SUSD4: variants seen among roughly 807,000 people sequenced by gnomAD.
SUSD4 encodes sushi domain containing 4.
A neutral mutation model predicts 50.5 loss-of-function variants in SUSD4; 41 were observed. The ratio of observed to expected loss-of-function variants is 0.81; its 90% CI spans 0.63 to 1.05. The LOEUF (loss-of-function observed/expected upper bound fraction) is 1.05. SUSD4 is among the 50% of genes least tolerant of loss of function. The probability of loss-of-function intolerance (pLI) is 0.00; values close to 1 mark genes in which losing one functional copy is unlikely to be tolerated. For missense variants in SUSD4, 580 were observed against 634.7 expected, an observed-to-expected ratio of 0.91 and a Z score of 0.93; for synonymous variants, 257 against 257.3, an observed-to-expected ratio of 1.00 and a Z score of 0.01.
chr1:223,271,679 C>T (rs977932821), intron 3 of SUSD4, among the ~76,000 whole-genome samples: 1 of 152,130 alleles, frequency 6.6e-6, no homozygotes, highest in Middle Eastern at 3.2e-3. Flanking sequence ...TTAACCAGAG[C>T]CTTTATGATT....
At chr1:223,253,003 A>C (rs1661439239) in intron 5 of SUSD4, among the ~76,000 whole-genome samples, 2 of 152,086 alleles carry the variant, frequency 1.3e-5, no homozygotes, top group African/African-American at 4.8e-5. Context: ...AGACAGGAGA[A>C]TCGCTTGAAC....
At chr1:223,271,962 C>A (rs1662951301) in intron 3 of SUSD4, among the ~76,000 whole-genome samples, 1 of 152,192 alleles carries the variant, frequency 6.6e-6, no homozygotes, top group Admixed American at 6.5e-5. Flanking sequence ...GCAGGTGGCT[C>A]ACCCCTATAA....
At chr1:223,337,029 C>T (rs556720398) in intron 2 of SUSD4, among the ~76,000 whole-genome samples, 2 of 152,272 alleles carry the variant, frequency 1.3e-5, no homozygotes, top group African/African-American at 2.4e-5. Flanking sequence ...CATACTTTGT[C>T]GTTAACTTGT....
intron 5 of SUSD4, among the ~76,000 whole-genome samples, chr1:223,256,459 A>G (rs1661697912): frequency 6.6e-6 from 1 of 152,164 alleles, no homozygotes; most frequent in Non-Finnish European, 1.5e-5. Flanking sequence ...GCCTGTTACC[A>G]AGATGACCCT....
At chr1:223,259,959 G>A (rs995544339) in intron 5 of SUSD4, among the ~76,000 whole-genome samples, 1 of 152,152 alleles carries the variant, frequency 6.6e-6, no homozygotes, top group Non-Finnish European at 1.5e-5. Context: ...GGAGTGAGAT[G>A]TTCAGAACTT....
chr1:223,301,497 T>C (rs1665191869), intron 2 of SUSD4, among the ~76,000 whole-genome samples: 1 of 152,170 alleles, frequency 6.6e-6, no homozygotes, highest in Admixed American at 6.5e-5. Flanking sequence ...CCCTCAGCAG[T>C]AAAATAAAGA....
chr1:223,292,735 C>T, intron 2 of SUSD4, 84 bp from the exon 3 acceptor site: 1 of 1,416,064 alleles, frequency 7.1e-7, no homozygotes, highest in Non-Finnish European at 9.7e-7. Flanking sequence ...GCAGACCCTG[C>T]ATGATGTCAT....
In SUSD4 at chr1:223,298,046, G is replaced by A. The variant is rs114315659; in HGVS notation, c.149-5395C>T. Among the ~76,000 whole-genome samples the A allele has an allele frequency of 9.6e-3, 1,461 of 151,988 alleles. 10 individuals are homozygous for A. Among genetic ancestry groups the A allele is most frequent in the Non-Finnish European group, 0.014 (982 of 67,956 alleles). ...GATAAATGGATGGATGGATGAATGGGTGGATGGATGGATGAATAGATGAAT... is the reference window on the plus strand; with the variant it reads ...GATAAATGGATGGATGGATGAATGGATGGATGGATGGATGAATAGATGAAT... On this transcript the variant is annotated intron_variant, in intron 2 of 8. Coordinates refer to ENST00000366878, the MANE Select transcript of SUSD4 (RefSeq NM_017982.4).
chr1:223,225,933 C>T (rs1197130117), intron 7 of SUSD4, among the ~76,000 whole-genome samples: 1 of 152,158 alleles, frequency 6.6e-6, no homozygotes, highest in Non-Finnish European at 1.5e-5. Context: ...CATTTGGATT[C>T]ATGTCATGTA....
intron 2 of SUSD4, among the ~76,000 whole-genome samples, chr1:223,361,099 A>G (rs1668950042): frequency 6.6e-6 from 1 of 152,208 alleles, no homozygotes; most frequent in Non-Finnish European, 1.5e-5. Context: ...CCTTTTAACA[A>G]GATCCCAGGT....
intron 3 of SUSD4, chr1:223,289,344 C>A: frequency 3.1e-6 from 3 of 970,852 alleles, no homozygotes; most frequent in Non-Finnish European, 2.4e-6. Flanking sequence ...TCATTCAGTT[C>A]TGTAAATTCA....
chr1:223,360,243 C>T (rs1236347883), intron 2 of SUSD4: 1 of 470,754 alleles, frequency 2.1e-6, no homozygotes, highest in Admixed American at 2.3e-5. Flanking sequence ...TGGCTCTCTT[C>T]CTTGAAGCCT....
chr1:223,364,911 T>A (rs932228041), upstream of SUSD4, among the ~76,000 whole-genome samples: 2 of 152,114 alleles, frequency 1.3e-5, no homozygotes, highest in Non-Finnish European at 2.9e-5. This position sits in a 1 kb window ranked among gnomAD's most constrained non-coding sequence, Gnocchi z 4.5. Flanking sequence ...CTGAGGCGGC[T>A]GAGAGACACT....
At chr1:223,315,070 T>C (rs976062110) in intron 2 of SUSD4, among the ~76,000 whole-genome samples, 22 of 152,268 alleles carry the variant, frequency 1.4e-4, no homozygotes, top group African/African-American at 5.3e-4. Context: ...TGCAAAATGA[T>C]GACAGTAGAA....
At chr1:223,305,720 G>T (rs755418068) in intron 2 of SUSD4, among the ~76,000 whole-genome samples, 14 of 152,142 alleles carry the variant, frequency 9.2e-5, no homozygotes, top group Non-Finnish European at 1.6e-4. Context: ...CTGCCATATA[G>T]CACGATATAC....
At chr1:223,351,168 A>G (rs1668343280) in intron 2 of SUSD4, among the ~76,000 whole-genome samples, 1 of 152,244 alleles carries the variant, frequency 6.6e-6, no homozygotes, top group Non-Finnish European at 1.5e-5. Context: ...AAAGCCACCA[A>G]AGCAGTAGAG....
At chr1:223,281,629 A>G (rs1663737276) in intron 3 of SUSD4, among the ~76,000 whole-genome samples, 1 of 152,200 alleles carries the variant, frequency 6.6e-6, no homozygotes, top group African/African-American at 2.4e-5. Flanking sequence ...TCAGGGCCAG[A>G]TGGATTCACA....
chr1:223,343,741 T>C (rs536143384), intron 2 of SUSD4, among the ~76,000 whole-genome samples: 1 of 152,350 alleles, frequency 6.6e-6, no homozygotes, highest in East Asian at 1.9e-4. Context: ...CATCTGCATA[T>C]ATATAGCTGC....
chr1:223,234,962 G>C (rs147998616), intron 5 of SUSD4: 1 of 1,585,392 alleles, frequency 6.3e-7, no homozygotes, highest in Non-Finnish European at 8.5e-7. Context: ...TTAGAACAGA[G>C]ATGTGGTGGT....
Sources: allele counts gnomAD v4.1 joint callset (sites outside exome capture counted in the v4.1 genomes callset), GRCh38; gene constraint gnomAD v4.1.1; non-coding constraint Gnocchi (gnomAD v3.1); transcripts MANE v1.5; gene names NCBI Gene and HGNC (gene_info 2026-07-23, HGNC 2026-07-21).